Variants in CACNA2D4 observed in about 807,000 individuals in gnomAD.
CACNA2D4 encodes the protein calcium voltage-gated channel auxiliary subunit alpha2delta 4.
CACNA2D4 carries 157 observed loss-of-function variants against 163.8 expected under a neutral mutation model. The ratio of observed to expected loss-of-function variants is 0.96; its 90% CI spans 0.84 to 1.09. The LOEUF (loss-of-function observed/expected upper bound fraction) is 1.09. Among genes scored for constraint, CACNA2D4 ranks in the 50% least tolerant of loss-of-function variants. The pLI is 0.00. For missense variants in CACNA2D4, 1,410 were observed against 1,479.9 expected, an observed-to-expected ratio of 0.95 and a Z score of 0.78; for synonymous variants, 598 against 586.9, an observed-to-expected ratio of 1.02 and a Z score of -0.27.
Position 1,828,243 on chromosome 12 carries a change from G to T in CACNA2D4, c.2551+12496C>A, listed in dbSNP as rs1487281757. 1 of 1,527,574 alleles carries T rather than the reference G, an allele frequency of 6.5e-7. No homozygotes were observed. The highest frequency in any genetic ancestry group is 2.1e-5 in the Admixed American group (1 of 48,502). The allele number at this position is 1,527,574 out of a possible 1,614,324, so 94.6% of individuals were successfully genotyped here. A position where few individuals can be genotyped will look rare whatever the true frequency, so the allele number is the denominator to read the frequency against. Reference sequence around the variant, plus strand: ...GAGTACACCCCTGGCCTCGGAGGGGGGTGCGGGTTGGGTGGGGGTGCCGAG... The same window carrying T: ...GAGTACACCCCTGGCCTCGGAGGGGTGTGCGGGTTGGGTGGGGGTGCCGAG... On this transcript the variant is annotated intron_variant, in intron 26 of 37. Transcript: ENST00000382722. The surrounding 1 kb of genome is among the most constrained non-coding windows in gnomAD (Gnocchi z 4.2).
In CACNA2D4 at chr12:1,795,740, G is replaced by A; in HGVS notation, c.3154C>T (p.Leu1052Phe). Residue 1052 changes from leucine to phenylalanine, a missense_variant, in exon 36 of 38, where the codon CTC (leucine) becomes TTC (phenylalanine). Coordinates refer to ENST00000382722, the MANE Select transcript of CACNA2D4 (RefSeq NM_172364.5). Reference sequence around the variant, plus strand: ...TCACAGGTGGGGTCTGTCACCAGGAGGAGGAGGTTACTGTTGGGAATCTGC... The same window carrying A: ...TCACAGGTGGGGTCTGTCACCAGGAAGAGGAGGTTACTGTTGGGAATCTGC... The part of the protein sequence containing the change: ...VQQIPNSNLL[L>F]LVTDPTCDCS... 1 of 1,613,708 alleles carries A rather than the reference G, an allele frequency of 6.2e-7. No homozygotes were observed. Among genetic ancestry groups the A allele is most frequent in the East Asian group, 2.2e-5 (1 of 44,868 alleles).
At chr12:1,858,544 T>C in intron 20 of CACNA2D4, 33 bp downstream of exon 20, 1 of 1,604,138 alleles carries the variant, frequency 6.2e-7, no homozygotes, top group Non-Finnish European at 8.5e-7. Context: ...TATTTTCTGC[T>C]TAACTGTCCC....
chr12:1,824,335 C>T (rs974466992), intron 26 of CACNA2D4, among the ~76,000 whole-genome samples: 1 of 152,184 alleles, frequency 6.6e-6, no homozygotes, highest in Non-Finnish European at 1.5e-5. Context: ...TACAAGGCTC[C>T]CAAGCTAGAC....
chr12:1,864,791 C>G (rs1033513218), intron 18 of CACNA2D4, among the ~76,000 whole-genome samples: 21 of 152,260 alleles, frequency 1.4e-4, no homozygotes, highest in Admixed American at 7.8e-4. Flanking sequence ...GGACACGCTC[C>G]GCTCCGGCTG....
rs762561386 is a variant in CACNA2D4 at position 1,795,358 on chromosome 12, G to A, written c.3250C>T (p.Arg1084Trp). ...VKYNASVKCD[R>W]MRSQKLRRRP... ...CGGCGGAGCTTCTGGGAGCGCATCCGGTCACATTTGACAGAGGCATTATGT... is the reference window on the plus strand; with the variant it reads ...CGGCGGAGCTTCTGGGAGCGCATCCAGTCACATTTGACAGAGGCATTATGT... Residue 1084 changes from arginine to tryptophan, a missense_variant, in exon 37 of 38, where the codon CGG (arginine) becomes TGG (tryptophan). Transcript: ENST00000382722. The A allele has an allele frequency of 1.2e-6, 2 of 1,611,858 alleles. No individual in the cohort carries two copies. The highest frequency in any genetic ancestry group is 1.3e-5 in the African/African-American group (1 of 74,900).
intron 26 of CACNA2D4, 114 bp from the exon 27 acceptor site, chr12:1,811,837 C>A (rs1033974648): frequency 3.0e-6 from 3 of 1,002,726 alleles, no homozygotes; most frequent in African/African-American, 1.6e-5. Context: ...GAGACCGCAG[C>A]GGATGGGAGG....
intron 9 of CACNA2D4, among the ~76,000 whole-genome samples, 189 bp downstream of exon 9, chr12:1,885,776 G>C (rs887335287): frequency 6.6e-6 from 1 of 152,188 alleles, no homozygotes; most frequent in African/African-American, 2.4e-5. Context: ...CTCACTGTTT[G>C]CTCTGATAAG....
rs1310615436 is a variant in CACNA2D4 at position 1,792,954 on chromosome 12, G to T, written c.*701C>A. Reference sequence around the variant, plus strand: ...AAACTTTCCTTTAGGGCTTTGTAAAGAAGTTTTGGGAAGTTCTTCAATAGC... The same window carrying T: ...AAACTTTCCTTTAGGGCTTTGTAAATAAGTTTTGGGAAGTTCTTCAATAGC... On this transcript the variant is annotated 3_prime_UTR_variant, in exon 38 of 38. Transcript: ENST00000382722. 1 of 152,204 alleles carries T rather than the reference G, an allele frequency of 6.6e-6. No homozygotes were observed. The highest frequency in any genetic ancestry group is 2.4e-5 in the African/African-American group (1 of 41,442). 9.4% of individuals were successfully genotyped at this position (152,204 alleles called of 1,614,324 possible).
intron 26 of CACNA2D4, among the ~76,000 whole-genome samples, chr12:1,819,176 G>A (rs373021048): frequency 6.6e-6 from 1 of 152,036 alleles, no homozygotes; most frequent in Non-Finnish European, 1.5e-5. Context: ...GCCACCCATG[G>A]GCAGGAGAGC....
chr12:1,854,122 G>A, intron 22 of CACNA2D4, 78 bp from the exon 23 acceptor site: 8 of 1,066,488 alleles, frequency 7.5e-6, no homozygotes, highest in Non-Finnish European at 1.1e-5. Context: ...CCTAAGTTCA[G>A]GGAGAAGATG....
rs141158344 is a variant in CACNA2D4 at position 1,830,279 on chromosome 12, C to T, written c.2551+10460G>A. Among the ~76,000 whole-genome samples the T allele has an allele frequency of 1.4e-4, 21 of 152,336 alleles. 1 individual carries two copies. In the East Asian group the frequency reaches 4.0e-3, roughly 29 times the overall value. On this transcript the variant is annotated intron_variant, in intron 26 of 37. Transcript: ENST00000382722. ...GGACCCTAGGTGCACAGCCTGGGCT[C>T]TAAATCCTCATGCCAAACTGCTGGC...
chr12:1,881,165 T>C (rs189800700), intron 13 of CACNA2D4, among the ~76,000 whole-genome samples: 155 of 152,306 alleles, frequency 1.0e-3, no homozygotes, highest in Non-Finnish European at 1.7e-3. Flanking sequence ...ATGTAGGGAC[T>C]GGTTGCAGGG....
At position 1,799,902 on chromosome 12, in the gene CACNA2D4, A is replaced by C. The variant is rs913993970; in HGVS notation, c.2974+98T>G. The C allele has an allele frequency of 1.5e-6, 2 of 1,371,150 alleles. No individual in the cohort carries two copies. The highest frequency in any genetic ancestry group is 2.9e-5 in the African/African-American group (2 of 69,670). The allele number at this position is 1,371,150 out of a possible 1,614,324, so 84.9% of individuals were successfully genotyped here. The stretch of plus-strand genomic sequence containing the variant: ...GAACAACGATGCTTCAGGGTCACCT[A>C]TCCCCACTGTCACCCACCCCACAGG... On this transcript the variant is annotated intron_variant, in intron 33 of 37. Coordinates refer to ENST00000382722, the MANE Select transcript of CACNA2D4 (RefSeq NM_172364.5). This position sits in a 1 kb window ranked among gnomAD's most constrained non-coding sequence, Gnocchi z 4.7.
In CACNA2D4 at chr12:1,799,233, C is replaced by T. The variant is rs956962452; in HGVS notation, c.2995+442G>A. On this transcript the variant is annotated intron_variant, in intron 34 of 37. Transcript: ENST00000382722. This position sits in a 1 kb window ranked among gnomAD's most constrained non-coding sequence, Gnocchi z 4.7. ...TGTTGGGGCCTCTCATGGTTGCTGC[C>T]TCTGGGGGACTCTGTCCTCAGACAC... is the stretch of plus-strand genomic sequence containing the variant. 1.3e-5 allele frequency among the ~76,000 whole-genome samples: 2 copies of T among 152,212 alleles called. No homozygotes were observed. Among genetic ancestry groups the T allele is most frequent in the African/African-American group, 4.8e-5 (2 of 41,456 alleles).
intron 18 of CACNA2D4, among the ~76,000 whole-genome samples, chr12:1,864,551 C>T (rs1865598301): frequency 1.3e-5 from 2 of 152,192 alleles, no homozygotes; most frequent in African/African-American, 2.4e-5. Context: ...GAACAGAGAC[C>T]CCAGCAGCTC....
chr12:1,894,515 A>G (rs1483700716), intron 6 of CACNA2D4, among the ~76,000 whole-genome samples: 2 of 152,182 alleles, frequency 1.3e-5, no homozygotes, highest in African/African-American at 4.8e-5. Context: ...GCCAAATCCA[A>G]CAGCACATCA....
intron 6 of CACNA2D4, among the ~76,000 whole-genome samples, chr12:1,889,171 A>T (rs1197817685): frequency 6.6e-6 from 1 of 152,266 alleles, no homozygotes; most frequent in African/African-American, 2.4e-5. Context: ...ACATTTGTAG[A>T]TAAACACAAT....
At chr12:1,905,594 A>G (rs966245603) in intron 6 of CACNA2D4, among the ~76,000 whole-genome samples, 1 of 151,532 alleles carries the variant, frequency 6.6e-6, no homozygotes, top group South Asian at 2.1e-4. Context: ...TAAAAATCCT[A>G]TTTATGATAA....
intron 23 of CACNA2D4, 149 bp from the exon 24 acceptor site, chr12:1,846,838 C>T (rs148150967): frequency 1.7e-5 from 12 of 688,794 alleles, no homozygotes; most frequent in African/African-American, 5.3e-5. Context: ...GGGAAGGGGC[C>T]GGGACACGCA....
Sources: gnomAD v4.1 joint callset for allele counts (sites outside exome capture counted in the v4.1 genomes callset) on GRCh38, gnomAD v4.1.1 for gene constraint, Gnocchi (gnomAD v3.1) non-coding constraint, MANE v1.5 for transcripts, NCBI Gene and HGNC (gene_info 2026-07-23, HGNC 2026-07-21) for gene names.